ARAP2: variants seen among roughly 807,000 people sequenced by gnomAD.
The protein encoded by ARAP2 is ArfGAP with RhoGAP domain, ankyrin repeat and PH domain 2, also known as arf-GAP with Rho-GAP domain, ANK repeat and PH domain-containing protein 2.
In ARAP2, 148 loss-of-function variants were observed where a neutral mutation model predicts 194.5. That is an observed-to-expected ratio of 0.76 (90% CI 0.67 to 0.87). The LOEUF is 0.87. ARAP2 is among the 40% of genes least tolerant of loss of function. The pLI is 0.00. For synonymous variants in ARAP2, 695 were observed against 683.5 expected (o/e 1.02, Z -0.26); for missense variants, 2,128 against 1,989.7 (o/e 1.07, Z -1.32).
intron 2 of ARAP2, among the ~76,000 whole-genome samples, chr4:36,223,082 C>T (rs766280039): frequency 2.1e-4 from 32 of 152,004 alleles, no homozygotes; most frequent in South Asian, 6.2e-4. Flanking sequence ...AGGTAATATA[C>T]GTCATTGTTG....
At chr4:36,132,527 T>C (rs1031415525) in intron 20 of ARAP2, among the ~76,000 whole-genome samples, 3 of 151,744 alleles carry the variant, frequency 2.0e-5, no homozygotes, top group African/African-American at 7.3e-5. Context: ...AAATTTACAG[T>C]CTGAAAGATA....
chr4:36,059,400 T>G (rs1724039245), intron 1 of ARAP2, among the ~76,000 whole-genome samples: 1 of 152,198 alleles, frequency 6.6e-6, no homozygotes, highest in Admixed American at 6.5e-5. Flanking sequence ...CCTCTTGAGC[T>G]AGACCTCCTG....
intron 9 of ARAP2, among the ~76,000 whole-genome samples, chr4:36,167,903 A>G (rs1735653968): frequency 6.6e-6 from 1 of 152,192 alleles, no homozygotes; most frequent in African/African-American, 2.4e-5. Context: ...CACACTTTAC[A>G]AAACAATATG....
intron 21 of ARAP2, among the ~76,000 whole-genome samples, chr4:36,126,429 T>C (rs772788272): frequency 2.6e-5 from 4 of 151,950 alleles, no homozygotes; most frequent in Admixed American, 6.6e-5. Context: ...GAAAATACAA[T>C]GAGCAATTCA....
chr4:36,072,737 T>C (rs1441342614), intron 32 of ARAP2, among the ~76,000 whole-genome samples: 1 of 150,052 alleles, frequency 6.7e-6, no homozygotes, highest in Non-Finnish European at 1.5e-5. Context: ...AAGGTCATGA[T>C]TTCTTGGAGA....
intron 19 of ARAP2, among the ~76,000 whole-genome samples, chr4:36,137,922 TAC>T (rs1284799289): frequency 6.6e-6 from 1 of 151,784 alleles, no homozygotes; most frequent in Non-Finnish European, 1.5e-5. Context: ...AACAATTTAT[TAC>T]AGTCACACTA....
intron 1 of ARAP2, among the ~76,000 whole-genome samples, chr4:36,232,607 G>A (rs1357236063): frequency 6.6e-6 from 1 of 152,088 alleles, no homozygotes; most frequent in Non-Finnish European, 1.5e-5. Context: ...TTTCCCTGAG[G>A]CAACAAACTG....
intron 29 of ARAP2, 103 bp downstream of exon 29, chr4:36,083,261 AACTT>A (rs1170681965): frequency 2.4e-6 from 2 of 834,302 alleles, no homozygotes; most frequent in Non-Finnish European, 3.8e-6. Flanking sequence ...AATAGCCTAA[AACTT>A]ACTTTATAAA....
intron 6 of ARAP2, among the ~76,000 whole-genome samples, chr4:36,201,701 A>G (rs1744398112): frequency 6.6e-6 from 1 of 152,160 alleles, no homozygotes; most frequent in Non-Finnish European, 1.5e-5. Flanking sequence ...TTATTTTTTA[A>G]CAACACTGTA....
At chr4:36,059,018 G>A (rs1477354969) in intron 1 of ARAP2, among the ~76,000 whole-genome samples, 10 of 151,922 alleles carry the variant, frequency 6.6e-5, no homozygotes, top group African/African-American at 2.2e-4. Context: ...AGAAGAAACA[G>A]TTAAGTGAAA....
At chr4:36,037,325 A>G (rs142902334) in intron 5 of ARAP2, among the ~76,000 whole-genome samples, 1 of 152,108 alleles carries the variant, frequency 6.6e-6, no homozygotes, top group Non-Finnish European at 1.5e-5. Flanking sequence ...TCATTCCTCA[A>G]CTTTGCCTGC....
intron 10 of ARAP2, 139 bp from the exon 11 acceptor site, chr4:36,165,252 T>C: frequency 1.4e-6 from 1 of 731,452 alleles, no homozygotes; most frequent in Non-Finnish European, 2.2e-6. Context: ...CTGGGTTGTC[T>C]TTTCTGTTAA....
At chr4:36,212,579 C>A (rs1276681638) in intron 4 of ARAP2, 92 bp from the exon 5 acceptor site, 2 of 749,698 alleles carry the variant, frequency 2.7e-6, no homozygotes, top group East Asian at 2.7e-5. Flanking sequence ...CTACAAAAAT[C>A]CATAATATCT....
chr4:36,244,079 C>G (rs1754133331), intron 1 of ARAP2, 100 bp downstream of exon 1: 1 of 152,230 alleles, frequency 6.6e-6, no homozygotes, highest in South Asian at 2.1e-4. Context: ...AGGAAATTTA[C>G]CCGGTGAAGT....
Position 36,229,591 on chromosome 4 carries a change from G to T in ARAP2, c.-105C>A. 1 of 878,040 alleles carries T rather than the reference G, an allele frequency of 1.1e-6. No homozygotes were observed. The highest frequency in any genetic ancestry group is 1.7e-6 in the Non-Finnish European group (1 of 591,922). The allele number at this position is 878,040 out of a possible 1,614,324, so 54.4% of individuals were successfully genotyped here. A position where few individuals can be genotyped will look rare whatever the true frequency, so the allele number is the denominator to read the frequency against. On this transcript the variant is annotated 5_prime_UTR_variant, in exon 2 of 33. It adds an upstream start codon to the 5' untranslated region. Coordinates refer to ENST00000303965, the MANE Select transcript of ARAP2 (RefSeq NM_015230.4). ...GGCTTTTCCTCTATCAATTGTGACA[G>T]AAAAGTTTCTTAAAATGTTATTTTC... is the stretch of plus-strand genomic sequence containing the variant.
chr4:36,190,317 G>A (rs993461763), intron 7 of ARAP2, among the ~76,000 whole-genome samples: 4 of 152,164 alleles, frequency 2.6e-5, no homozygotes, highest in African/African-American at 7.2e-5. Flanking sequence ...TGATTTAAAC[G>A]GTGACTTTAT....
chr4:36,125,632 A>G (rs1723700541), intron 21 of ARAP2, among the ~76,000 whole-genome samples: 2 of 152,096 alleles, frequency 1.3e-5, no homozygotes, highest in Non-Finnish European at 2.9e-5. Context: ...TGGTTTATGG[A>G]GAGAAGGATG....
intron 16 of ARAP2, among the ~76,000 whole-genome samples, chr4:36,149,690 A>G (rs928237022): frequency 1.3e-5 from 2 of 152,202 alleles, no homozygotes; most frequent in African/African-American, 4.8e-5. Context: ...TTAACATTCC[A>G]TAAGTCATAT....
At chr4:36,199,501 AG>A (rs1308986973) in intron 6 of ARAP2, among the ~76,000 whole-genome samples, 2 of 152,192 alleles carry the variant, frequency 1.3e-5, no homozygotes, top group Non-Finnish European at 2.9e-5. Flanking sequence ...CATATTGGAC[AG>A]GCTGGTCTCA....
Sources: gnomAD v4.1 joint callset for allele counts (sites outside exome capture counted in the v4.1 genomes callset) on GRCh38, gnomAD v4.1.1 for gene constraint, MANE v1.5 for transcripts, NCBI Gene and HGNC (gene_info 2026-07-23, HGNC 2026-07-21) for gene names.